The following IL6ST variants were observed in gnomAD, a reference collection of about 807,000 sequenced individuals.
The protein encoded by IL6ST is interleukin 6 cytokine family signal transducer, also known as interleukin-6 receptor subunit beta.
In IL6ST, 24 loss-of-function variants were observed where a neutral mutation model predicts 91.3. The observed-to-expected ratio is 0.26, with a 90% CI of 0.19 to 0.37. The LOEUF (loss-of-function observed/expected upper bound fraction) is 0.37. Ranked by LOEUF, IL6ST falls within the 10% of genes least tolerant of loss-of-function variation. The pLI is 1.00. For missense variants in IL6ST, 914 were observed against 1,078.5 expected (o/e 0.85, Z 2.14); for synonymous variants, 351 against 373.6 (o/e 0.94, Z 0.70).
At chr5:55,951,894 T>C in intron 13 of IL6ST, 35 bp downstream of exon 13, 3 of 1,276,724 alleles carry the variant, frequency 2.3e-6, no homozygotes, top group Non-Finnish European at 3.3e-6. Context: ...AAGGAAAAAA[T>C]AACTGATTCT....
intron 2 of IL6ST, among the ~76,000 whole-genome samples, chr5:55,980,628 C>T (rs939483950): frequency 6.6e-6 from 1 of 152,138 alleles, no homozygotes; most frequent in Non-Finnish European, 1.5e-5. Context: ...ACAGTTCAAT[C>T]GTACTCCAAA....
intron 2 of IL6ST, among the ~76,000 whole-genome samples, chr5:55,976,628 T>C (rs1040071961): frequency 6.6e-6 from 1 of 152,234 alleles, no homozygotes; most frequent in African/African-American, 2.4e-5. Context: ...CACCATAATA[T>C]GTATCCTTAA....
chr5:55,947,069 T>G (rs1368887063), intron 15 of IL6ST, among the ~76,000 whole-genome samples: 1 of 151,632 alleles, frequency 6.6e-6, no homozygotes, highest in East Asian at 1.9e-4. Context: ...CTGGGTGTGG[T>G]GGTGGGCGCC....
intron 1 of IL6ST, 81 bp from the exon 2 acceptor site, chr5:55,982,892 T>C (rs1231994205): frequency 2.5e-6 from 1 of 395,976 alleles, no homozygotes; most frequent in Non-Finnish European, 4.4e-6. Flanking sequence ...CCCCATCTGC[T>C]CTTAGGCTTT....
chr5:55,987,546 A>G (rs1475366641), intron 1 of IL6ST, among the ~76,000 whole-genome samples: 1 of 152,212 alleles, frequency 6.6e-6, no homozygotes, highest in African/African-American at 2.4e-5. Context: ...ACCTTGGTGA[A>G]GGATAACAAA....
chr5:55,990,883 TC>T (rs1231063028), intron 1 of IL6ST, among the ~76,000 whole-genome samples: 1 of 118,334 alleles, frequency 8.5e-6, no homozygotes. Flanking sequence ...ATGCTATCCC[TC>T]CCCCCTCCCC....
chr5:55,977,667 A>C (rs1423473295), intron 2 of IL6ST, among the ~76,000 whole-genome samples: 1 of 152,150 alleles, frequency 6.6e-6, no homozygotes, highest in Non-Finnish European at 1.5e-5. Context: ...CTCTATTAAA[A>C]ATACAAAAAG....
intron 1 of IL6ST, among the ~76,000 whole-genome samples, chr5:55,983,820 T>C (rs1580863696): frequency 2.0e-5 from 3 of 152,212 alleles, no homozygotes; most frequent in Admixed American, 2.0e-4. Flanking sequence ...ATATACACAC[T>C]TTTCTATTTT....
rs1015701767 is a variant in IL6ST, at chr5:55,942,574, T to C, written c.2019+96A>G. 24 of 598,242 alleles carry C rather than the reference T, an allele frequency of 4.0e-5. No homozygotes were observed. In the Admixed American group the frequency reaches 7.0e-4, roughly 17 times the overall value. The allele number at this position is 598,242 out of a possible 1,614,324, so 37.1% of individuals were successfully genotyped here. A position where few individuals can be genotyped will look rare whatever the true frequency, so the allele number is the denominator to read the frequency against. ...CTTGAATATCTTATCTTTTGGTACA[T>C]TTGTAGATACTCAATATACCTACTA... is the stretch of plus-strand genomic sequence containing the variant. On this transcript the variant is annotated intron_variant, in intron 16 of 16. Coordinates refer to ENST00000381298, the MANE Select transcript of IL6ST (RefSeq NM_002184.4).
Position 55,976,205 on chromosome 5 carries a change from T to C in IL6ST, c.64+10A>G. Reference sequence around the variant, plus strand: ...TGAAGTTAGAAGATAGGGTATTTCATGAACCTTACCTGTAGATTCAGTGGT... The same window carrying C: ...TGAAGTTAGAAGATAGGGTATTTCACGAACCTTACCTGTAGATTCAGTGGT... On this transcript the variant is annotated intron_variant, in intron 3 of 16. Coordinates refer to ENST00000381298, the MANE Select transcript of IL6ST (RefSeq NM_002184.4). 1 of 1,510,796 alleles carries C rather than the reference T, an allele frequency of 6.6e-7. No individual in the cohort carries two copies. Among genetic ancestry groups the C allele is most frequent in the Non-Finnish European group, 9.0e-7 (1 of 1,112,010 alleles). The allele number at this position is 1,510,796 out of a possible 1,614,324, so 93.6% of individuals were successfully genotyped here.
intron 2 of IL6ST, among the ~76,000 whole-genome samples, chr5:55,979,312 C>G (rs902878079): frequency 2.6e-5 from 4 of 152,136 alleles, no homozygotes; most frequent in African/African-American, 9.7e-5. Context: ...AGGCAAAAGT[C>G]TACGGTGTTT....
At chr5:55,975,695 C>T (rs906715696) in intron 3 of IL6ST, among the ~76,000 whole-genome samples, 7 of 151,950 alleles carry the variant, frequency 4.6e-5, no homozygotes, top group African/African-American at 1.7e-4. Flanking sequence ...GTAATACAGG[C>T]AACTAAGAGA....
At chr5:55,989,035 A>T (rs1157029822) in intron 1 of IL6ST, among the ~76,000 whole-genome samples, 2 of 151,622 alleles carry the variant, frequency 1.3e-5, no homozygotes, top group African/African-American at 4.8e-5. Context: ...CTGAGGTGGG[A>T]CAACCACTTG....
intron 3 of IL6ST, among the ~76,000 whole-genome samples, chr5:55,974,258 G>A (rs1256789259): frequency 1.3e-5 from 2 of 152,112 alleles, no homozygotes; most frequent in South Asian, 2.1e-4. Flanking sequence ...TAAATATGCA[G>A]TAACTATCAT....
Position 55,961,857 on chromosome 5 carries a change from C to T in IL6ST, c.814-1296G>A, listed in dbSNP as rs138628848. On this transcript the variant is annotated intron_variant, in intron 7 of 16. Coordinates refer to ENST00000381298, the MANE Select transcript of IL6ST (RefSeq NM_002184.4). ...TGTCTTCTCTCCTGCCTAGTCCCTT[C>T]CTTCCATTAACCACAGTCACAAGGA... 7.9e-5 allele frequency among the ~76,000 whole-genome samples: 12 copies of T among 152,158 alleles called. No homozygotes were observed. In the East Asian group the frequency reaches 1.5e-3, roughly 20 times the overall value.
intron 3 of IL6ST, among the ~76,000 whole-genome samples, chr5:55,970,595 GGAT>G (rs1173504181): frequency 2.0e-5 from 3 of 152,106 alleles, no homozygotes; most frequent in Non-Finnish European, 4.4e-5. Flanking sequence ...GGCTGAAGTG[GGAT>G]GATGGCTTGA....
intron 3 of IL6ST, among the ~76,000 whole-genome samples, chr5:55,973,710 C>G (rs899709094): frequency 6.6e-6 from 1 of 152,162 alleles, no homozygotes; most frequent in African/African-American, 2.4e-5. Flanking sequence ...CTATACAAAT[C>G]ATGAGAGGTA....
At chr5:55,944,771 G>A (rs1326492200) in intron 15 of IL6ST, 1 of 817,714 alleles carries the variant, frequency 1.2e-6, no homozygotes, top group Admixed American at 2.0e-5. Context: ...CACAGGAGCA[G>A]AAACATGGAA....
intron 16 of IL6ST, among the ~76,000 whole-genome samples, chr5:55,942,222 T>C (rs1057161178): frequency 6.6e-6 from 1 of 152,156 alleles, no homozygotes; most frequent in Non-Finnish European, 1.5e-5. Flanking sequence ...ATAAATGAGT[T>C]CCCCTTTGGG....
Sources: allele counts gnomAD v4.1 joint callset (sites outside exome capture counted in the v4.1 genomes callset), GRCh38; gene constraint gnomAD v4.1.1; transcripts MANE v1.5; gene names NCBI Gene and HGNC (gene_info 2026-07-23, HGNC 2026-07-21).